Variants in SPMIP11 observed in about 807,000 individuals in gnomAD.
SPMIP11 encodes the protein sperm microtubule inner protein 11.
the SPMIP11 span, among the ~76,000 whole-genome samples, chr12:48,751,951 C>A: frequency 6.6e-6 from 1 of 151,700 alleles, no homozygotes; most frequent in Non-Finnish European, 1.5e-5. Context: ...CCTGTAATCC[C>A]AGCTACTTGG....
chr12:48,766,693 C>G, the SPMIP11 span: 1 of 152,638 alleles, frequency 6.6e-6, no homozygotes, highest in Admixed American at 6.5e-5. Context: ...ACCAGGCCTC[C>G]ACAGGGAGCT....
At chr12:48,751,617 A>G in the SPMIP11 span, among the ~76,000 whole-genome samples, 1 of 152,120 alleles carries the variant, frequency 6.6e-6, no homozygotes, top group South Asian at 2.1e-4. Flanking sequence ...ACAAAAAGAA[A>G]CTCAGTTTAT....
At chr12:48,768,434 G>C in the SPMIP11 span, 1 of 1,076,152 alleles carries the variant, frequency 9.3e-7, no homozygotes, top group Non-Finnish European at 1.4e-6. Context: ...CTTGAGGGCA[G>C]ACGAGCATGA....
At chr12:48,735,828 G>A in the SPMIP11 span, among the ~76,000 whole-genome samples, 2 of 152,050 alleles carry the variant, frequency 1.3e-5, no homozygotes, top group African/African-American at 4.8e-5. Flanking sequence ...AGGTTGTAGT[G>A]AGCCAAGATC....
chr12:48,768,507 C>G, the SPMIP11 span: 1 of 1,601,312 alleles, frequency 6.2e-7, no homozygotes, highest in Non-Finnish European at 8.6e-7. Context: ...GCTCAGTGCC[C>G]CCTGCCACAG....
the SPMIP11 span, among the ~76,000 whole-genome samples, chr12:48,753,722 G>A: frequency 7.9e-6 from 1 of 126,176 alleles, no homozygotes; most frequent in African/African-American, 3.0e-5. Flanking sequence ...TCTTTTTTTG[G>A]AGACAGTCTC....
the SPMIP11 span, chr12:48,770,638 G>A: frequency 1.2e-6 from 1 of 859,704 alleles, no homozygotes; most frequent in Non-Finnish European, 1.9e-6. Context: ...CTTGATATAG[G>A]AGGTCAGAGG....
the SPMIP11 span, among the ~76,000 whole-genome samples, chr12:48,763,086 A>T: frequency 6.6e-6 from 1 of 152,196 alleles, no homozygotes; most frequent in East Asian, 1.9e-4. Flanking sequence ...AAAGTTTAAA[A>T]CCTAAAATAC....
the SPMIP11 span, among the ~76,000 whole-genome samples, chr12:48,747,934 T>A: frequency 6.6e-6 from 1 of 152,128 alleles, no homozygotes; most frequent in Non-Finnish European, 1.5e-5. Flanking sequence ...CTAAGATGTT[T>A]AGTCTTCCTA....
At chr12:48,744,650 C>A in the SPMIP11 span, among the ~76,000 whole-genome samples, 617 of 151,718 alleles carry the variant, frequency 4.1e-3, 7 homozygotes, top group African/African-American at 0.014. Context: ...ACCCGGGAGG[C>A]GGAGGTTGCA....
the SPMIP11 span, among the ~76,000 whole-genome samples, chr12:48,744,632 T>C: frequency 6.6e-6 from 1 of 151,956 alleles, no homozygotes; most frequent in Admixed American, 6.6e-5. Context: ...CTCAGGAGAA[T>C]TGCTTGAACC....
At chr12:48,754,534 T>G in the SPMIP11 span, among the ~76,000 whole-genome samples, 1 of 151,640 alleles carries the variant, frequency 6.6e-6, no homozygotes. Flanking sequence ...CACTGCAAGC[T>G]CCACCTCCCG....
the SPMIP11 span, among the ~76,000 whole-genome samples, chr12:48,761,529 T>C: frequency 6.6e-6 from 1 of 150,750 alleles, no homozygotes; most frequent in Non-Finnish European, 1.5e-5. Flanking sequence ...GGAGAATCAC[T>C]TAAGCCTGGC....
chr12:48,757,636 A>T, the SPMIP11 span, among the ~76,000 whole-genome samples: 1 of 130,206 alleles, frequency 7.7e-6, no homozygotes, highest in Admixed American at 8.0e-5. Flanking sequence ...ACAGAGTGAG[A>T]CTCTATCTCA....
chr12:48,763,112 C>A, the SPMIP11 span, among the ~76,000 whole-genome samples: 1 of 152,168 alleles, frequency 6.6e-6, no homozygotes, highest in African/African-American at 2.4e-5. Context: ...GAAATCAAAA[C>A]AGGCACATGT....
At chr12:48,755,758 G>T in the SPMIP11 span, among the ~76,000 whole-genome samples, 1 of 152,168 alleles carries the variant, frequency 6.6e-6, no homozygotes, top group Admixed American at 6.6e-5. Flanking sequence ...TTGACAATCA[G>T]CCTGAGGCCT....
At chr12:48,765,703 AG>A in the SPMIP11 span, 1 of 702,308 alleles carries the variant, frequency 1.4e-6, no homozygotes, top group Non-Finnish European at 2.6e-6. Context: ...AAGAGTGCAG[AG>A]GGGGAAAGAA....
chr12:48,734,877 C>A, the SPMIP11 span, among the ~76,000 whole-genome samples: 1 of 151,460 alleles, frequency 6.6e-6, no homozygotes. Context: ...CGGTGGCGGG[C>A]GGCTGTAGTC....
At chr12:48,762,047 C>CTTTTTTTT in the SPMIP11 span, among the ~76,000 whole-genome samples, 20 of 78,184 alleles carry the variant, frequency 2.6e-4, no homozygotes, top group East Asian at 4.1e-4. Context: ...TTATAACATT[C>CTTTTTTTT]TTTTTTTTTT....
Sources: gnomAD v4.1 joint callset for allele counts (sites outside exome capture counted in the v4.1 genomes callset) on GRCh38, gnomAD v4.1.1 for gene constraint, MANE v1.5 for transcripts, NCBI Gene and HGNC (gene_info 2026-07-23, HGNC 2026-07-21) for gene names.